Variants in PLSCR5 observed in about 807,000 individuals in gnomAD.
PLSCR5 encodes phospholipid scramblase family member 5, also known as phospholipid scramblase family, member 5.
A neutral mutation model predicts 33.6 loss-of-function variants in PLSCR5; 44 were observed. That is an observed-to-expected ratio of 1.31 (90% CI 1.03 to 1.69). The LOEUF is 1.69. PLSCR5 is among the 40% of genes most tolerant of loss of function. The pLI, the probability that PLSCR5 is intolerant of heterozygous loss-of-function variation, is 0.00. For missense variants in PLSCR5, 375 were observed against 318.7 expected, an observed-to-expected ratio of 1.18 and a Z score of -1.34; for synonymous variants, 148 against 112.3, an observed-to-expected ratio of 1.32 and a Z score of -2.01.
Position 146,605,100 on chromosome 3 carries a change from C to T in PLSCR5, c.13+100G>A, listed in dbSNP as rs1028641606. 9.7e-5 allele frequency: 118 copies of T among 1,212,752 alleles called. No individual in the cohort carries two copies. In the African/African-American group the frequency reaches 1.6e-3, roughly 17 times the overall value. The allele number at this position is 1,212,752 out of a possible 1,614,324, so 75.1% of individuals were successfully genotyped here. ...AATGTTCAAAAGTGACAAATGACAG[C>T]TTTTAAAGTACCAATCTAACTGGTT... On this transcript the variant is annotated intron_variant, in intron 1 of 7. Coordinates refer to ENST00000443512, the MANE Select transcript of PLSCR5 (RefSeq NM_001085420.2).
At chr3:146,595,742 G>A (rs1490950808) in intron 2 of PLSCR5, among the ~76,000 whole-genome samples, 1 of 152,170 alleles carries the variant, frequency 6.6e-6, no homozygotes, top group Non-Finnish European at 1.5e-5. Flanking sequence ...GAATTATAAT[G>A]TTTAAGATGT....
chr3:146,597,736 G>A (rs2107857063), intron 2 of PLSCR5, among the ~76,000 whole-genome samples: 1 of 152,150 alleles, frequency 6.6e-6, no homozygotes, highest in South Asian at 2.1e-4. Context: ...ATACGTTTAG[G>A]TGTCATGGCA....
downstream of PLSCR5, among the ~76,000 whole-genome samples, chr3:146,584,152 G>A (rs1158370964): frequency 2.0e-5 from 3 of 152,088 alleles, no homozygotes; most frequent in African/African-American, 7.2e-5. Context: ...CATGTTATTT[G>A]TCCTCCATTT....
chr3:146,600,311 G>C lies in PLSCR5; in HGVS notation c.166C>G (p.Pro56Ala). The change falls in exon 2 of 8, where the codon CCT (proline) becomes GCT (alanine). Residue 56 changes from proline (P) to alanine (A), a missense_variant. By Grantham distance (27) the Pro-to-Ala change is conservative. Transcript: ENST00000443512. Reference sequence around the variant, plus strand: ...ACCTGGCTTAAATATTCTAGACCAGGAGGGAGACTGACTGTTGGCAGGAAA... The same window carrying C: ...ACCTGGCTTAAATATTCTAGACCAGCAGGGAGACTGACTGTTGGCAGGAAA... Reference protein sequence around the residue: ...SSFLPTVSLPPGLEYLSQLDL... With the variant: ...SSFLPTVSLPAGLEYLSQLDL... 1 of 1,600,302 alleles carries C rather than the reference G, an allele frequency of 6.2e-7. No homozygotes were observed. The highest frequency in any genetic ancestry group is 2.3e-5 in the East Asian group (1 of 44,364).
intron 7 of PLSCR5, among the ~76,000 whole-genome samples, chr3:146,577,293 C>T (rs1360921783): frequency 6.6e-6 from 1 of 152,104 alleles, no homozygotes; most frequent in African/African-American, 2.4e-5. Context: ...GACCTACTCA[C>T]ACTTGCTCAA....
At chr3:146,582,525 G>T (rs992988314), downstream of PLSCR5, among the ~76,000 whole-genome samples, 1 of 152,096 alleles carries the variant, frequency 6.6e-6, no homozygotes, top group African/African-American at 2.4e-5. Flanking sequence ...TCTTTTCTGG[G>T]ACCCTTCTCT....
At chr3:146,597,441 C>T (rs181212080) in intron 2 of PLSCR5, among the ~76,000 whole-genome samples, 24 of 152,228 alleles carry the variant, frequency 1.6e-4, no homozygotes, top group Middle Eastern at 6.8e-3. Flanking sequence ...GACATCACTA[C>T]GCTAAATTTA....
At position 146,600,445 on chromosome 3, in the gene PLSCR5, C is replaced by T. The variant is rs1281889026; in HGVS notation, c.32G>A (p.Arg11Lys). The T allele has an allele frequency of 6.3e-7, 1 of 1,596,826 alleles. No homozygotes were observed. ...TCCAGGAAGAAAACCAGGCAGACCT[C>T]TTCTTTGGTTCTGGGCATCTGCAAG... MASKDAQNQRRGLPGFLPGAP... is the reference protein window; with the variant it reads MASKDAQNQRKGLPGFLPGAP... The change falls in exon 2 of 8, where the codon AGA (arginine) becomes AAA (lysine). Residue 11 changes from arginine to lysine, a missense_variant. Physicochemically the swap from Arg to Lys is conservative, Grantham distance 26 (BLOSUM62 2). Coordinates refer to ENST00000443512, the MANE Select transcript of PLSCR5 (RefSeq NM_001085420.2).
Position 146,594,007 on chromosome 3 carries a change from C to A in PLSCR5, c.366G>T (p.Arg122Ser). The part of the protein sequence containing the change: ...FCSTLRSCTL[R>S]ITDNSGREVI... ...CCTCTCGACCTGAGTTATCTGTGAT[C>A]CTCAGGGTGCAAGATCGCAGAGTGG... The change falls in exon 4 of 8, where the codon AGG (arginine) becomes AGT (serine). Residue 122 changes from arginine (R) to serine (S), a missense_variant. Physicochemically the swap from Arg to Ser is moderately radical, Grantham distance 110 (BLOSUM62 -1). Transcript: ENST00000443512. The A allele has an allele frequency of 6.2e-7, 1 of 1,613,860 alleles. No homozygotes were observed.
downstream of PLSCR5, among the ~76,000 whole-genome samples, chr3:146,582,387 G>A (rs2044637908): frequency 6.6e-6 from 1 of 152,154 alleles, no homozygotes; most frequent in African/African-American, 2.4e-5. Context: ...GTAACTCAAG[G>A]TAAGGGCCTG....
At chr3:146,596,380 A>G (rs555560277) in intron 2 of PLSCR5, among the ~76,000 whole-genome samples, 21 of 152,152 alleles carry the variant, frequency 1.4e-4, no homozygotes, top group Non-Finnish European at 2.6e-4. Flanking sequence ...GTAGACACAC[A>G]GGGTTTTGCC....
chr3:146,577,635 G>C (rs2044607407), intron 7 of PLSCR5, among the ~76,000 whole-genome samples: 1 of 152,026 alleles, frequency 6.6e-6, no homozygotes. Context: ...CATCAATTCA[G>C]TCTGCTCATT....
At position 146,595,077 on chromosome 3, in the gene PLSCR5, G is replaced by T. The variant is rs2044747749; in HGVS notation, c.196C>A (p.Leu66Met). The T allele has an allele frequency of 7.0e-7, 1 of 1,418,598 alleles. No homozygotes were observed. Among genetic ancestry groups the T allele is most frequent in the East Asian group, 2.7e-5 (1 of 37,510 alleles). The allele number at this position is 1,418,598 out of a possible 1,614,324, so 87.9% of individuals were successfully genotyped here. The change falls in exon 3 of 8, where the codon CTG becomes ATG. Residue 66 changes from leucine (L) to methionine (M), a missense_variant. By Grantham distance (15) the Leu-to-Met change is conservative. Coordinates refer to ENST00000443512, the MANE Select transcript of PLSCR5 (RefSeq NM_001085420.2). Reference sequence around the variant, plus strand: ...TCCACCTGCTGGTGTATAATTATCAGGTCTAACTGTAAAGGATGACATAAA... The same window carrying T: ...TCCACCTGCTGGTGTATAATTATCATGTCTAACTGTAAAGGATGACATAAA... The part of the protein sequence containing the change: ...PGLEYLSQLD[L>M]IIIHQQVELL...
chr3:146,582,171 G>A, downstream of PLSCR5, among the ~76,000 whole-genome samples: 1 of 152,232 alleles, frequency 6.6e-6, no homozygotes, highest in Non-Finnish European at 1.5e-5. Flanking sequence ...CAGGTAGTCA[G>A]TTAGGGTGGG....
At chr3:146,580,454 C>CTTTTTTTTTTTTTTTTT (rs1170556618) in intron 7 of PLSCR5, among the ~76,000 whole-genome samples, 2 of 60,570 alleles carry the variant, frequency 3.3e-5, no homozygotes, top group East Asian at 4.6e-4. Flanking sequence ...TTTGAATTTG[C>CTTTTTTTTTTTTTTTTT]TTTTTTTTTT....
chr3:146,585,110 A>G (rs1479082577), downstream of PLSCR5, among the ~76,000 whole-genome samples: 1 of 152,106 alleles, frequency 6.6e-6, no homozygotes, highest in Non-Finnish European at 1.5e-5. Context: ...ACTAGTGGAT[A>G]GTAATCAGGA....
At chr3:146,590,768 T>C (rs2107851466) in intron 5 of PLSCR5, among the ~76,000 whole-genome samples, 1 of 152,212 alleles carries the variant, frequency 6.6e-6, no homozygotes, top group East Asian at 1.9e-4. Context: ...CATTGTATTC[T>C]ACGTGCATAG....
chr3:146,604,560 C>T (rs368213452), intron 1 of PLSCR5, among the ~76,000 whole-genome samples: 3 of 151,926 alleles, frequency 2.0e-5, no homozygotes, highest in South Asian at 2.1e-4. Context: ...TCAATAATAA[C>T]GCATGTCAGA....
intron 2 of PLSCR5, among the ~76,000 whole-genome samples, chr3:146,596,450 C>A (rs1196445972): frequency 1.2e-4 from 19 of 152,164 alleles, no homozygotes. Context: ...CTCAGCCTCC[C>A]AAAGTGCTGG....
Sources: gnomAD v4.1 joint callset for allele counts (sites outside exome capture counted in the v4.1 genomes callset) on GRCh38, gnomAD v4.1.1 for gene constraint, MANE v1.5 for transcripts, NCBI Gene and HGNC (gene_info 2026-07-23, HGNC 2026-07-21) for gene names.